The following NOL4 variants were observed in gnomAD, a reference collection of about 807,000 sequenced individuals.
The protein encoded by NOL4 is nucleolar protein 4, also known as cancer/testis antigen 125.
Under a neutral mutation model 75.9 loss-of-function variants are expected in NOL4, and 17 were observed. The observed-to-expected ratio is 0.22, with a 90% confidence interval of 0.15 to 0.34. The LOEUF (loss-of-function observed/expected upper bound fraction) is 0.34, where lower values mean the gene tolerates loss of function less well. NOL4 is among the 10% of genes least tolerant of loss of function. The pLI, the probability that NOL4 is intolerant of heterozygous loss-of-function variation, is 1.00. For synonymous variants in NOL4, 292 were observed against 289.9 expected (o/e 1.01, Z -0.07); for missense variants, 614 against 793.5 (o/e 0.77, Z 2.72).
intron 5 of NOL4, among the ~76,000 whole-genome samples, chr18:34,054,313 C>T (rs1441714154): frequency 6.6e-6 from 1 of 151,866 alleles, no homozygotes; most frequent in Non-Finnish European, 1.5e-5. Flanking sequence ...AAGTCTCCTA[C>T]TATTATTGTG....
At chr18:34,218,899 G>C (rs558929088) in intron 1 of NOL4, among the ~76,000 whole-genome samples, 44 of 152,178 alleles carry the variant, frequency 2.9e-4, no homozygotes, top group Non-Finnish European at 5.7e-4. Flanking sequence ...CAGGTGGAAA[G>C]GTATACAGGA....
intron 5 of NOL4, among the ~76,000 whole-genome samples, chr18:34,049,491 A>G (rs2144947312): frequency 6.6e-6 from 1 of 152,162 alleles, no homozygotes; most frequent in Admixed American, 6.6e-5. Flanking sequence ...CTTCAGAAAC[A>G]TTACTGCGAT....
intron 6 of NOL4, 64 bp from the exon 7 acceptor site, chr18:33,958,482 T>G: frequency 6.5e-6 from 9 of 1,385,476 alleles, no homozygotes; most frequent in Non-Finnish European, 8.8e-6. Context: ...GTTTTATGTT[T>G]CATCTTTAAT....
chr18:34,091,066 T>C (rs1262752720), intron 5 of NOL4, among the ~76,000 whole-genome samples: 2 of 151,764 alleles, frequency 1.3e-5, no homozygotes, highest in Admixed American at 6.6e-5. Context: ...AAGGGCTTGA[T>C]AGGCCAGCCA....
intron 5 of NOL4, among the ~76,000 whole-genome samples, chr18:34,037,933 A>G (rs2075980917): frequency 6.6e-6 from 1 of 152,190 alleles, no homozygotes; most frequent in Admixed American, 6.5e-5. Context: ...AGTAAAGGAA[A>G]CAAACTACAA....
At chr18:34,103,468 T>C (rs1168155895) in intron 4 of NOL4, among the ~76,000 whole-genome samples, 1 of 152,026 alleles carries the variant, frequency 6.6e-6, no homozygotes, top group East Asian at 1.9e-4. Context: ...ATTTTCACTA[T>C]ACAAATTAAA....
intron 9 of NOL4, among the ~76,000 whole-genome samples, chr18:33,895,177 G>T (rs1248285713): frequency 6.6e-6 from 1 of 151,936 alleles, no homozygotes; most frequent in African/African-American, 2.4e-5. Flanking sequence ...ATTTGAGAAT[G>T]ATAGGCTTAA....
intron 1 of NOL4, among the ~76,000 whole-genome samples, chr18:34,142,251 A>G (rs1436826238): frequency 6.6e-6 from 1 of 152,222 alleles, no homozygotes; most frequent in Non-Finnish European, 1.5e-5. Context: ...AACTAGTTCA[A>G]CCACTGTGGA....
At chr18:34,198,651 T>C (rs924168385) in intron 1 of NOL4, among the ~76,000 whole-genome samples, 4 of 151,878 alleles carry the variant, frequency 2.6e-5, no homozygotes, top group African/African-American at 7.2e-5. Context: ...GATGCTGTCA[T>C]TGCTAGGTAC....
chr18:33,921,173 G>A (rs1283962826), intron 9 of NOL4, among the ~76,000 whole-genome samples: 1 of 152,192 alleles, frequency 6.6e-6, no homozygotes, highest in Non-Finnish European at 1.5e-5. Flanking sequence ...TATAGATGGA[G>A]TGAAATTTTG....
Position 34,093,580 on chromosome 18 carries a change from T to A in NOL4, c.657A>T (p.Glu219Asp). The A allele has an allele frequency of 6.3e-7, 1 of 1,592,340 alleles. No individual in the cohort carries two copies. Among genetic ancestry groups the A allele is most frequent in the Non-Finnish European group, 8.6e-7 (1 of 1,166,440 alleles). The change falls in exon 5 of 11, where the codon GAA becomes GAT. Residue 219 changes from glutamate to aspartate, a missense_variant. By Grantham distance (45) the Glu-to-Asp change is conservative. Transcript: ENST00000261592. ...SQQDEDESSI[E>D]SDEFDMSDST... ...AATCACTCATGTCAAATTCATCACTTTCTATTGAACTTTCATCCTGAAAAT... is the reference window on the plus strand; with the variant it reads ...AATCACTCATGTCAAATTCATCACTATCTATTGAACTTTCATCCTGAAAAT...
chr18:34,081,461 T>C (rs2078008671), intron 5 of NOL4, among the ~76,000 whole-genome samples: 1 of 152,146 alleles, frequency 6.6e-6, no homozygotes, highest in African/African-American at 2.4e-5. Flanking sequence ...ATGTGACTTG[T>C]ATAATTGATA....
intron 1 of NOL4, among the ~76,000 whole-genome samples, chr18:34,200,506 T>C (rs2035657625): frequency 6.6e-6 from 1 of 151,872 alleles, no homozygotes; most frequent in South Asian, 2.1e-4. Flanking sequence ...GATGACAGTT[T>C]ATTCTTTAAT....
intron 10 of NOL4, among the ~76,000 whole-genome samples, chr18:33,875,345 G>T (rs537907222): frequency 1.3e-5 from 2 of 152,092 alleles, no homozygotes; most frequent in South Asian, 2.1e-4. Context: ...TATACAGATT[G>T]TAACTGCTGT....
At chr18:34,148,896 T>C (rs530963399) in intron 1 of NOL4, among the ~76,000 whole-genome samples, 2 of 152,118 alleles carry the variant, frequency 1.3e-5, no homozygotes, top group East Asian at 3.9e-4. Flanking sequence ...TGGGTGTTCC[T>C]GTATTGGGTG....
At chr18:34,152,810 T>C (rs972479224) in intron 1 of NOL4, among the ~76,000 whole-genome samples, 2 of 151,796 alleles carry the variant, frequency 1.3e-5, no homozygotes, top group Non-Finnish European at 2.9e-5. Flanking sequence ...ACCACCCTAA[T>C]GAAGGGACTT....
intron 1 of NOL4, among the ~76,000 whole-genome samples, chr18:34,150,668 T>C (rs1221873734): frequency 6.6e-6 from 1 of 151,654 alleles, no homozygotes; most frequent in Non-Finnish European, 1.5e-5. Flanking sequence ...AAAATCTACA[T>C]GACTTGGGCA....
intron 6 of NOL4, among the ~76,000 whole-genome samples, chr18:33,966,905 CCAAA>C (rs1178022658): frequency 6.6e-6 from 1 of 152,080 alleles, no homozygotes. Context: ...CCATAATTCC[CCAAA>C]CAAACTACAG....
At chr18:34,200,343 C>T (rs976439375) in intron 1 of NOL4, among the ~76,000 whole-genome samples, 2 of 151,604 alleles carry the variant, frequency 1.3e-5, no homozygotes, top group Non-Finnish European at 3.0e-5. Context: ...GGTGCCAGAT[C>T]GTAATGTAGT....
Sources: allele counts gnomAD v4.1 joint callset (sites outside exome capture counted in the v4.1 genomes callset), GRCh38; gene constraint gnomAD v4.1.1; transcripts MANE v1.5; gene names NCBI Gene and HGNC (gene_info 2026-07-23, HGNC 2026-07-21).